Variants in DENND2B observed in about 807,000 individuals in gnomAD.
DENND2B encodes the protein DENN domain containing 2B.
DENND2B carries 32 observed loss-of-function variants against 116.0 expected under a neutral mutation model. That is an observed-to-expected ratio of 0.28 (90% CI 0.21 to 0.37). The LOEUF (loss-of-function observed/expected upper bound fraction) is 0.37, where lower values mean the gene tolerates loss of function less well. Among genes scored for constraint, DENND2B ranks in the 10% least tolerant of loss-of-function variants. DENND2B has a pLI of 1.00. For missense variants in DENND2B, 1,276 were observed against 1,477.7 expected (o/e 0.86, Z 2.24); for synonymous variants, 588 against 583.9 (o/e 1.01, Z -0.10).
Position 8,730,588 on chromosome 11 carries a change from C to A in DENND2B, c.702G>T (p.Glu234Asp). ...GLRRMSRTFS[E>D]CSYPETEEEG... ...CCTCCTCAGTCTCTGGGTAGGAACACTCGGAGAAGGTCCTGCTCATCCTCC... is the reference window on the plus strand; with the variant it reads ...CCTCCTCAGTCTCTGGGTAGGAACAATCGGAGAAGGTCCTGCTCATCCTCC... Residue 234 changes from glutamate to aspartate, a missense_variant, in exon 3 of 20, where the codon GAG (glutamate) becomes GAT (aspartate). Glu to Asp is a conservative substitution (Grantham distance 45, BLOSUM62 2). Around this residue, in one of 2 missense-constraint regions of DENND2B, gnomAD observed 856 missense variants for 846.6 expected, o/e 1.01. Transcript: ENST00000313726. This position sits in a 1 kb window ranked among gnomAD's most constrained non-coding sequence, Gnocchi z 4.1. 1 of 1,613,228 alleles carries A rather than the reference C, an allele frequency of 6.2e-7. No individual in the cohort carries two copies. The highest frequency in any genetic ancestry group is 8.5e-7 in the Non-Finnish European group (1 of 1,180,044).
In DENND2B at chr11:8,730,129, G is replaced by T; in HGVS notation, c.1161C>A (p.Val387=). 1 of 1,614,226 alleles carries T rather than the reference G, an allele frequency of 6.2e-7. No homozygotes were observed. Among genetic ancestry groups the T allele is most frequent in the South Asian group, 1.1e-5 (1 of 91,080 alleles). ...ATTCAAAGGTGCGCTTGGGTTTGGGGACAGGGTTCACAGCGGGATCGAGGG... is the reference window on the plus strand; with the variant it reads ...ATTCAAAGGTGCGCTTGGGTTTGGGTACAGGGTTCACAGCGGGATCGAGGG... The part of the protein sequence containing the change: ...KSSLDPAVNP[V]PKPKRTFEYE... The change falls in exon 3 of 20, where the codon GTC becomes GTA. Residue 387 remains valine, a synonymous_variant. Transcript: ENST00000313726. The surrounding 1 kb of genome is among the most constrained non-coding windows in gnomAD (Gnocchi z 4.1).
At chr11:8,846,741 TTCTTCTACC>T (rs1248093005) in intron 3 of DENND2B, among the ~76,000 whole-genome samples, 1 of 152,188 alleles carries the variant, frequency 6.6e-6, no homozygotes, top group Non-Finnish European at 1.5e-5. Context: ...TTATAGTCAG[TTCTTCTACC>T]TCTAAACCCT....
intron 1 of DENND2B, among the ~76,000 whole-genome samples, chr11:8,888,765 T>C (rs184334460): frequency 1.5e-4 from 23 of 152,236 alleles, no homozygotes; most frequent in African/African-American, 4.8e-4. Flanking sequence ...AGAACTTGAA[T>C]AGACATTTCT....
At chr11:8,888,356 A>G (rs1457591877) in intron 1 of DENND2B, among the ~76,000 whole-genome samples, 1 of 152,178 alleles carries the variant, frequency 6.6e-6, no homozygotes, top group East Asian at 1.9e-4. Flanking sequence ...ATGTGCAGAG[A>G]AAGAGGCTGG....
chr11:8,860,549 C>A (rs2063356701), intron 2 of DENND2B, among the ~76,000 whole-genome samples: 1 of 151,084 alleles, frequency 6.6e-6, no homozygotes, highest in East Asian at 1.9e-4. Flanking sequence ...ACAGGTGACA[C>A]AAACAAATAG....
At chr11:8,890,626 G>C (rs982271386) in intron 1 of DENND2B, among the ~76,000 whole-genome samples, 3 of 152,196 alleles carry the variant, frequency 2.0e-5, no homozygotes, top group African/African-American at 7.2e-5. Context: ...CAGTCAACTG[G>C]AAGAAAGGGT....
chr11:8,733,838 A>C lies in DENND2B; in HGVS notation c.81-2629T>G, dbSNP rs189273114. ...CTCACAGGTTAAGAACTTTCTCTCAATGCCTACCCTGCTTCAACTGAGGTT... is the reference window on the plus strand; with the variant it reads ...CTCACAGGTTAAGAACTTTCTCTCACTGCCTACCCTGCTTCAACTGAGGTT... On this transcript the variant is annotated intron_variant, in intron 2 of 19. Coordinates refer to ENST00000313726, the MANE Select transcript of DENND2B (RefSeq NM_213618.2). 6.6e-5 allele frequency among the ~76,000 whole-genome samples: 10 copies of C among 152,316 alleles called. No homozygotes were observed. In the South Asian group the frequency reaches 1.0e-3, roughly 16 times the overall value.
upstream of DENND2B, among the ~76,000 whole-genome samples, chr11:8,873,185 T>C (rs2063809327): frequency 1.3e-5 from 2 of 152,232 alleles, no homozygotes; most frequent in Non-Finnish European, 2.9e-5. Context: ...CCCGTTTTTC[T>C]TGTAACATCT....
intron 1 of DENND2B, among the ~76,000 whole-genome samples, chr11:8,890,837 A>G (rs2064022657): frequency 6.6e-6 from 1 of 152,228 alleles, no homozygotes; most frequent in Admixed American, 6.5e-5. Context: ...ATCCAGGAGA[A>G]CTTCCCCAAC....
chr11:8,797,122 G>C (rs537748588), intron 1 of DENND2B, among the ~76,000 whole-genome samples: 15 of 152,308 alleles, frequency 9.8e-5, no homozygotes, highest in Admixed American at 9.2e-4. Flanking sequence ...AACAGCCTTA[G>C]ATTTAGATTT....
intron 1 of DENND2B, chr11:8,881,244 G>A (rs1033503031): frequency 6.6e-6 from 1 of 152,048 alleles, no homozygotes; most frequent in Admixed American, 6.5e-5. Context: ...TTCAAACATC[G>A]TTCTAAGGCA....
intron 1 of DENND2B, among the ~76,000 whole-genome samples, chr11:8,764,653 G>A (rs1235371528): frequency 6.6e-6 from 1 of 152,074 alleles, no homozygotes; most frequent in Non-Finnish European, 1.5e-5. Context: ...CACCCCTGCA[G>A]CCCCACTCTA....
Position 8,696,590 on chromosome 11 carries a change from G to A in DENND2B, c.3129C>T (p.Leu1043=), listed in dbSNP as rs1804570. The A allele has an allele frequency of 6.2e-7, 1 of 1,614,210 alleles. No homozygotes were observed. The highest frequency in any genetic ancestry group is 1.1e-5 in the South Asian group (1 of 91,078). The change falls in exon 18 of 20, where the codon CTC becomes CTT. Residue 1043 remains leucine, a synonymous_variant. Coordinates refer to ENST00000313726, the MANE Select transcript of DENND2B (RefSeq NM_213618.2). ...FFVETVGHYS[L]FLTQSEKGER... is the part of the protein sequence containing the mutation. ...CTCCCTTCTCACTCTGTGTCAGAAA[G>A]AGGGAGTAGTGCCCAACGGTCTCCA...
chr11:8,790,257 C>A (rs2059266912), intron 1 of DENND2B, among the ~76,000 whole-genome samples: 1 of 152,198 alleles, frequency 6.6e-6, no homozygotes, highest in Non-Finnish European at 1.5e-5. Flanking sequence ...ACTCTCCTCC[C>A]ACCAGTAACT....
intron 1 of DENND2B, among the ~76,000 whole-genome samples, chr11:8,792,623 G>A (rs1454851956): frequency 6.6e-6 from 1 of 152,098 alleles, no homozygotes; most frequent in Non-Finnish European, 1.5e-5. Flanking sequence ...CAATGTATTT[G>A]AGCAGAAAAT....
At position 8,754,029 on chromosome 11, in the gene DENND2B, G is replaced by GCGCA. The variant is rs146486674; in HGVS notation, c.-25-3305_-25-3304insTGCG. ...TTCTTAGATATAACACCAAAAGCGC[G>GCGCA]CACACACACACACACACACACACAC... is the stretch of plus-strand genomic sequence containing the variant. On this transcript the variant is annotated intron_variant, in intron 1 of 19. Transcript: ENST00000313726. Among the ~76,000 whole-genome samples the GCGCA allele has an allele frequency of 2.3e-3, 318 of 138,822 alleles. 2 individuals carry two copies. Among genetic ancestry groups the GCGCA allele is most frequent in the African/African-American group, 6.6e-3 (241 of 36,616 alleles). 91.1% of individuals were successfully genotyped at this position (138,822 alleles called of 152,430 possible). A position where few individuals can be genotyped will look rare whatever the true frequency, so the allele number is the denominator to read the frequency against.
intron 1 of DENND2B, among the ~76,000 whole-genome samples, chr11:8,781,407 G>T (rs1223376380): frequency 6.6e-6 from 1 of 152,068 alleles, no homozygotes; most frequent in Non-Finnish European, 1.5e-5. Context: ...GATCTTCAGG[G>T]AAAAGCCAGC....
chr11:8,696,366 G>A, intron 18 of DENND2B, 61 bp downstream of exon 18: 1 of 1,592,754 alleles, frequency 6.3e-7, no homozygotes, highest in African/African-American at 1.3e-5. Context: ...CATAGTGCCT[G>A]GTTCTTCAGC....
At chr11:8,695,864 A>G in intron 18 of DENND2B, 1 of 411,934 alleles carries the variant, frequency 2.4e-6, no homozygotes, top group South Asian at 3.0e-5. Context: ...CAACTCTACC[A>G]TGTTGTTCCA....
Sources: gnomAD v4.1 joint callset for allele counts (sites outside exome capture counted in the v4.1 genomes callset) on GRCh38, gnomAD v4.1.1 for gene constraint, gnomAD v4.1.1 regional missense constraint, Gnocchi (gnomAD v3.1) non-coding constraint, MANE v1.5 for transcripts, NCBI Gene and HGNC (gene_info 2026-07-23, HGNC 2026-07-21) for gene names.